RIMS2: variants seen among roughly 807,000 people sequenced by gnomAD.
RIMS2 encodes regulating synaptic membrane exocytosis protein 2.
In RIMS2, 59 loss-of-function variants were observed where a neutral mutation model predicts 174.4. The ratio of observed to expected loss-of-function variants is 0.34; its 90% CI spans 0.27 to 0.42. The LOEUF (loss-of-function observed/expected upper bound fraction) is 0.42, where lower values mean the gene tolerates loss of function less well. RIMS2 is among the 10% of genes least tolerant of loss of function. The pLI is 1.00. For missense variants in RIMS2, 1,620 were observed against 1,666.3 expected (o/e 0.97, Z 0.48); for synonymous variants, 606 against 572.5 (o/e 1.06, Z -0.84).
At chr8:104,173,677 G>A (rs2135550179) in intron 19 of RIMS2, among the ~76,000 whole-genome samples, 1 of 116,842 alleles carries the variant, frequency 8.6e-6, no homozygotes, top group East Asian at 2.7e-4. Flanking sequence ...CGCCCAGGCT[G>A]GAGTGCAGTG....
At position 103,896,312 on chromosome 8, in the gene RIMS2, C is replaced by A. The variant is rs2099277450; in HGVS notation, c.1624+10089C>A. On this transcript the variant is annotated intron_variant, in intron 4 of 23. Transcript: ENST00000504942. Reference sequence around the variant, plus strand: ...GTAGCAAAAAAGCTGCTGGTTTTCCCAGCCATCCTCACGCTGATAGATTTA... The same window carrying A: ...GTAGCAAAAAAGCTGCTGGTTTTCCAAGCCATCCTCACGCTGATAGATTTA... Among the ~76,000 whole-genome samples the A allele has an allele frequency of 1.3e-5, 2 of 151,632 alleles. 1 individual carries two copies. The highest frequency in any genetic ancestry group is 1.3e-4 in the Admixed American group (2 of 15,228).
At chr8:103,849,182 C>T (rs573697619) in intron 3 of RIMS2, among the ~76,000 whole-genome samples, 15 of 152,162 alleles carry the variant, frequency 9.9e-5, no homozygotes, top group African/African-American at 3.4e-4. Flanking sequence ...GCAGGGACCA[C>T]GGATATATTC....
intron 3 of RIMS2, among the ~76,000 whole-genome samples, chr8:103,853,188 C>T (rs2099008876): frequency 6.6e-6 from 1 of 151,926 alleles, no homozygotes; most frequent in Non-Finnish European, 1.5e-5. Context: ...TGATGCTGAG[C>T]ATTTTTTTTG....
chr8:103,717,272 A>T (rs2097382265), intron 2 of RIMS2, among the ~76,000 whole-genome samples: 3 of 150,060 alleles, frequency 2.0e-5, no homozygotes, highest in South Asian at 4.2e-4. Flanking sequence ...CTCTTAGTAG[A>T]AAAAAGGTTA....
At chr8:103,606,399 C>G (rs1288169228) in intron 1 of RIMS2, among the ~76,000 whole-genome samples, 1 of 151,776 alleles carries the variant, frequency 6.6e-6, no homozygotes, top group Admixed American at 6.6e-5. Flanking sequence ...TTTACATTTG[C>G]TGAGGAGAGC....
At chr8:103,884,866 C>T (rs993978105) in intron 3 of RIMS2, among the ~76,000 whole-genome samples, 25 of 151,854 alleles carry the variant, frequency 1.6e-4, no homozygotes, top group African/African-American at 6.0e-4. Context: ...AACTCTTGAG[C>T]CAAATCAGTT....
chr8:103,775,076 T>A (rs775368822), intron 3 of RIMS2, among the ~76,000 whole-genome samples: 2 of 152,106 alleles, frequency 1.3e-5, no homozygotes, highest in Admixed American at 6.5e-5. Context: ...AATTCAGAGA[T>A]GCTTATATTT....
chr8:104,216,956 G>A (rs117955682), intron 19 of RIMS2, among the ~76,000 whole-genome samples: 1,887 of 152,240 alleles, frequency 0.012, 28 homozygotes, highest in Non-Finnish European at 0.014. Flanking sequence ...AATTAAATGA[G>A]ACAATGCATG....
chr8:104,130,297 G>A (rs1240554417), intron 19 of RIMS2, among the ~76,000 whole-genome samples: 1 of 152,180 alleles, frequency 6.6e-6, no homozygotes, highest in Non-Finnish European at 1.5e-5. Flanking sequence ...GTAATGATCT[G>A]GGTGAACCTG....
chr8:104,106,037 C>CAAAAAAAAAAAA (rs575916023), intron 19 of RIMS2, among the ~76,000 whole-genome samples: 42 of 56,912 alleles, frequency 7.4e-4, no homozygotes, highest in African/African-American at 2.3e-3. Flanking sequence ...GACTCTGCCA[C>CAAAAAAAAAAAA]AAAAAAAAAA....
intron 19 of RIMS2, among the ~76,000 whole-genome samples, chr8:104,199,309 A>G (rs2099042420): frequency 1.3e-5 from 2 of 151,660 alleles, no homozygotes; most frequent in South Asian, 2.1e-4. Flanking sequence ...TGATCTGCCC[A>G]CCTCGGCCTC....
intron 19 of RIMS2, among the ~76,000 whole-genome samples, chr8:104,199,070 ATTTTAT>A (rs1337819642): frequency 2.0e-3 from 168 of 84,298 alleles, no homozygotes; most frequent in African/African-American, 8.6e-3. Flanking sequence ...ATTTTATTTT[ATTTTAT>A]TTTGAGACGG....
chr8:104,034,462 CTTTTTTTTTT>C lies in RIMS2; in HGVS notation c.3334+19863_3334+19872del, dbSNP rs200907072. 4.2e-5 allele frequency among the ~76,000 whole-genome samples: 5 copies of C among 118,346 alleles called. No individual in the cohort carries two copies. The Admixed American group carries it at 4.6e-4, about 11-fold the overall frequency. The allele number at this position is 118,346 out of a possible 152,430, so 77.6% of individuals were successfully genotyped here. On this transcript the variant is annotated intron_variant, in intron 19 of 23. Transcript: ENST00000504942. ...AAAACAAGTGATTTACTTGCAGTAT[CTTTTTTTTTT>C]TTTTTTTTTTTTTTTGAAACAGAGT...
At position 103,900,460 on chromosome 8, in the gene RIMS2, C is replaced by T. The variant is rs2099322380; in HGVS notation, c.1625-9674C>T. Among the ~76,000 whole-genome samples, 3 of 148,672 alleles carry T rather than the reference C, an allele frequency of 2.0e-5. No homozygotes were observed. In the South Asian group the frequency reaches 6.2e-4, roughly 31 times the overall value. ...GCCATTATAGTAGTTCTTAATTCCA[C>T]AGGCCAAGGAACTAATGTAGGGGTT... On this transcript the variant is annotated intron_variant, in intron 4 of 23. Transcript: ENST00000504942.
intron 1 of RIMS2, among the ~76,000 whole-genome samples, chr8:103,550,771 G>A (rs968762389): frequency 2.0e-5 from 3 of 151,986 alleles, no homozygotes; most frequent in African/African-American, 7.3e-5. Context: ...ATGATAAAGG[G>A]GTTATTACCA....
At chr8:103,810,544 C>A (rs954433050) in intron 3 of RIMS2, among the ~76,000 whole-genome samples, 1 of 151,880 alleles carries the variant, frequency 6.6e-6, no homozygotes, top group Non-Finnish European at 1.5e-5. Context: ...ATTGTTATAC[C>A]TTTATGTAGA....
chr8:103,829,436 C>T (rs544604239), intron 3 of RIMS2, among the ~76,000 whole-genome samples: 13 of 152,138 alleles, frequency 8.5e-5, no homozygotes, highest in African/African-American at 1.7e-4. Flanking sequence ...CAGCACTATT[C>T]GCAATAGAAA....
chr8:104,148,613 T>C (rs757325302), intron 19 of RIMS2: 38 of 1,597,606 alleles, frequency 2.4e-5, no homozygotes, highest in Non-Finnish European at 3.0e-5. Context: ...ACAGTGTCTT[T>C]ACATCCAAAA....
intron 1 of RIMS2, among the ~76,000 whole-genome samples, chr8:103,593,546 C>G (rs2094354564): frequency 6.6e-6 from 1 of 151,380 alleles, no homozygotes; most frequent in Non-Finnish European, 1.5e-5. Flanking sequence ...CTTTCCTTTT[C>G]CAATCAAATA....
Sources: allele counts gnomAD v4.1 joint callset (sites outside exome capture counted in the v4.1 genomes callset), GRCh38; gene constraint gnomAD v4.1.1; transcripts MANE v1.5; gene names NCBI Gene and HGNC (gene_info 2026-07-23, HGNC 2026-07-21).